ORC4: variants seen among roughly 807,000 people sequenced by gnomAD.
ORC4 encodes origin recognition complex, subunit 4 homolog.
ORC4 carries 55 observed loss-of-function variants against 63.9 expected under a neutral mutation model. That is an observed-to-expected ratio of 0.86 (90% CI 0.69 to 1.08). ORC4 has a LOEUF of 1.08. Ranked by LOEUF, ORC4 falls within the 50% of genes least tolerant of loss-of-function variation. The pLI, the probability that ORC4 is intolerant of heterozygous loss-of-function variation, is 0.00. For missense variants in ORC4, 511 were observed against 504.4 expected, an observed-to-expected ratio of 1.01 and a Z score of -0.13; for synonymous variants, 150 against 168.5, an observed-to-expected ratio of 0.89 and a Z score of 0.85.
intron 13 of ORC4, among the ~76,000 whole-genome samples, chr2:147,937,222 C>G (rs1688102024): frequency 6.6e-6 from 1 of 151,972 alleles, no homozygotes; most frequent in Non-Finnish European, 1.5e-5. Flanking sequence ...ATAAGGGATG[C>G]CAATGGACTT....
intron 10 of ORC4, 135 bp from the exon 11 acceptor site, chr2:147,939,383 T>C: frequency 1.5e-6 from 1 of 661,612 alleles, no homozygotes. Context: ...TATTCTCAAA[T>C]TCAGTTGTAT....
intron 4 of ORC4, among the ~76,000 whole-genome samples, chr2:147,968,587 A>G (rs1690030268): frequency 6.6e-6 from 1 of 152,118 alleles, no homozygotes; most frequent in African/African-American, 2.4e-5. Flanking sequence ...ACAGTGAGGT[A>G]TCATCTCACT....
At chr2:147,961,760 G>A (rs1266298876) in intron 4 of ORC4, among the ~76,000 whole-genome samples, 1 of 152,168 alleles carries the variant, frequency 6.6e-6, no homozygotes, top group African/African-American at 2.4e-5. Flanking sequence ...TAGATAAACT[G>A]TCAGTGTGGC....
chr2:147,980,844 G>A (rs191894687), intron 1 of ORC4, among the ~76,000 whole-genome samples: 186 of 152,140 alleles, frequency 1.2e-3, no homozygotes, highest in Non-Finnish European at 2.0e-3. Flanking sequence ...TTACATGACC[G>A]GTAATCCCAC....
chr2:147,943,877 G>A (rs1275229480), intron 9 of ORC4, among the ~76,000 whole-genome samples: 1 of 152,066 alleles, frequency 6.6e-6, no homozygotes, highest in Non-Finnish European at 1.5e-5. Flanking sequence ...AGGGATACAA[G>A]GTAAAGTATT....
At chr2:147,937,244 TG>T (rs1688104411) in intron 13 of ORC4, among the ~76,000 whole-genome samples, 1 of 152,134 alleles carries the variant, frequency 6.6e-6, no homozygotes, top group African/African-American at 2.4e-5. Context: ...GGGAATCCAC[TG>T]TTTTAAAAGT....
chr2:147,937,038 A>AAG (rs1335272028), intron 13 of ORC4: 3 of 151,866 alleles, frequency 2.0e-5, no homozygotes, highest in African/African-American at 7.3e-5. Context: ...AAAAAAAAAA[A>AAG]AATTTAAATA....
At chr2:147,979,394 A>C (rs1363703692) in intron 1 of ORC4, among the ~76,000 whole-genome samples, 1 of 152,198 alleles carries the variant, frequency 6.6e-6, no homozygotes, top group Admixed American at 6.5e-5. Flanking sequence ...AAAGAGGTGA[A>C]AGGTCTGTCA....
chr2:147,997,540 C>A (rs1692043593), intron 1 of ORC4, among the ~76,000 whole-genome samples: 1 of 152,020 alleles, frequency 6.6e-6, no homozygotes, highest in Non-Finnish European at 1.5e-5. Context: ...CAATATAAAG[C>A]AAACAAACAT....
chr2:147,975,380 A>G (rs1248905253), intron 2 of ORC4, among the ~76,000 whole-genome samples: 5 of 152,130 alleles, frequency 3.3e-5, no homozygotes, highest in African/African-American at 9.7e-5. Context: ...AACATCATAT[A>G]TAACAGTGAC....
intron 1 of ORC4, among the ~76,000 whole-genome samples, chr2:148,011,079 T>A (rs1692939698): frequency 6.6e-6 from 1 of 152,124 alleles, no homozygotes; most frequent in South Asian, 2.1e-4. Context: ...TCTGCCTGCC[T>A]CAGCCTCCCA....
rs554310374 is a variant in ORC4, at chr2:147,957,468, C to T, written c.387+830G>A. 9.9e-5 allele frequency among the ~76,000 whole-genome samples: 15 copies of T among 151,786 alleles called. No homozygotes were observed. The South Asian group carries it at 3.1e-3, about 31-fold the overall frequency. ...CTCCAACTGCATAAGCAGTATGAGG[C>T]TAGGTAATTTCATCATGAAAATTCA... is the stretch of plus-strand genomic sequence containing the variant. On this transcript the variant is annotated intron_variant, in intron 6 of 13. Coordinates refer to ENST00000392857, the MANE Select transcript of ORC4 (RefSeq NM_181741.4).
intron 1 of ORC4, among the ~76,000 whole-genome samples, chr2:147,977,766 G>A (rs1690652298): frequency 6.6e-6 from 1 of 152,196 alleles, no homozygotes; most frequent in Non-Finnish European, 1.5e-5. Context: ...GATATGCAGA[G>A]AAAAGACCTG....
intron 1 of ORC4, among the ~76,000 whole-genome samples, chr2:147,985,258 G>A (rs866348759): frequency 6.6e-5 from 10 of 152,054 alleles, no homozygotes; most frequent in Non-Finnish European, 8.8e-5. Flanking sequence ...GTGCAGTGGC[G>A]CTATCTCGGC....
chr2:147,982,254 G>T (rs7594075), intron 1 of ORC4, among the ~76,000 whole-genome samples: 3 of 151,920 alleles, frequency 2.0e-5, no homozygotes, highest in Admixed American at 6.6e-5. Flanking sequence ...TGTTATGAGA[G>T]GGAAAAACCT....
rs1414251905 is a variant in ORC4 at position 147,943,453 on chromosome 2, A to G, written c.832T>C (p.Ser278Pro). Reference protein sequence around the residue: ...KHFNISKNLRSLHMLLMLALN... With the variant: ...KHFNISKNLRPLHMLLMLALN... ...ATACAAACCAATAGCATGTGTAATGACCGCAGGTTTTTGCTGATATTGAAA... is the reference window on the plus strand; with the variant it reads ...ATACAAACCAATAGCATGTGTAATGGCCGCAGGTTTTTGCTGATATTGAAA... The change falls in exon 10 of 14, where the codon TCA becomes CCA. Residue 278 changes from serine (S) to proline (P), a missense_variant. Transcript: ENST00000392857. The G allele has an allele frequency of 3.8e-6, 6 of 1,599,404 alleles. No individual in the cohort carries two copies. Among genetic ancestry groups the G allele is most frequent in the Non-Finnish European group, 5.1e-6 (6 of 1,167,364 alleles).
intron 10 of ORC4, among the ~76,000 whole-genome samples, chr2:147,942,305 CA>C (rs1410053050): frequency 6.6e-6 from 1 of 151,884 alleles, no homozygotes; most frequent in Non-Finnish European, 1.5e-5. Context: ...AGACTAAAAC[CA>C]AATACTCTTA....
At chr2:147,952,559 A>G (rs772371709) in intron 7 of ORC4, 35 bp from the exon 8 acceptor site, 55 of 1,500,716 alleles carry the variant, frequency 3.7e-5, no homozygotes, top group Non-Finnish European at 4.9e-5. Flanking sequence ...TTAATAAGAA[A>G]TTATATCCAC....
intron 4 of ORC4, among the ~76,000 whole-genome samples, chr2:147,971,836 T>C (rs1012037465): frequency 3.3e-5 from 5 of 151,970 alleles, no homozygotes; most frequent in Admixed American, 6.6e-5. Flanking sequence ...TTGTGAAATA[T>C]TGAAAGAAAT....
Sources: gnomAD v4.1 joint callset for allele counts (sites outside exome capture counted in the v4.1 genomes callset) on GRCh38, gnomAD v4.1.1 for gene constraint, MANE v1.5 for transcripts, NCBI Gene and HGNC (gene_info 2026-07-23, HGNC 2026-07-21) for gene names.